Variants in CADPS observed in about 807,000 individuals in gnomAD.
The protein encoded by CADPS is calcium-dependent secretion activator 1.
A neutral mutation model predicts 167.3 loss-of-function variants in CADPS; 57 were observed. The ratio of observed to expected loss-of-function variants is 0.34; its 90% confidence interval spans 0.28 to 0.42. CADPS has a LOEUF of 0.42. Ranked by LOEUF, CADPS falls within the 20% of genes least tolerant of loss-of-function variation. The probability of loss-of-function intolerance (pLI) is 1.00; values close to 1 mark genes in which losing one functional copy is unlikely to be tolerated. For synonymous variants in CADPS, 676 were observed against 635.3 expected, an observed-to-expected ratio of 1.06 and a Z score of -0.96; for missense variants, 1,414 against 1,738.1, an observed-to-expected ratio of 0.81 and a Z score of 3.32.
At chr3:62,600,491 C>A (rs932630204) in intron 6 of CADPS, among the ~76,000 whole-genome samples, 3 of 152,156 alleles carry the variant, frequency 2.0e-5, no homozygotes, top group Non-Finnish European at 4.4e-5. Context: ...CCAAATACTT[C>A]CTGTAAGAGG....
chr3:62,456,460 C>T (rs967480151), intron 26 of CADPS, among the ~76,000 whole-genome samples: 5 of 152,034 alleles, frequency 3.3e-5, no homozygotes, highest in African/African-American at 1.2e-4. Context: ...GAGCCTGAAG[C>T]CTCCCCGTCC....
chr3:62,780,634 C>T, intron 1 of CADPS, among the ~76,000 whole-genome samples: 1 of 152,072 alleles, frequency 6.6e-6, no homozygotes, highest in Non-Finnish European at 1.5e-5. Flanking sequence ...TGATAAGTTG[C>T]AAATGATTTC....
chr3:62,725,778 G>A (rs2076640688), intron 3 of CADPS, among the ~76,000 whole-genome samples: 1 of 151,808 alleles, frequency 6.6e-6, no homozygotes, highest in Non-Finnish European at 1.5e-5. Flanking sequence ...ATGTTTTAGA[G>A]GAGTCACCCT....
rs191206434 is a variant in CADPS, at chr3:62,677,489, T to C, written c.889-15095A>G. Among the ~76,000 whole-genome samples the C allele has an allele frequency of 1.2e-4, 19 of 152,168 alleles. 1 individual carries two copies. Among genetic ancestry groups the C allele is most frequent in the Middle Eastern group, 3.4e-3 (1 of 294 alleles). On this transcript the variant is annotated intron_variant, in intron 3 of 29. Transcript: ENST00000383710. Reference sequence around the variant, plus strand: ...TGGTAAAGTCTAGAGACATTTTTCGTTGTCACAATGGAGGGTGAGAGGTGC... The same window carrying C: ...TGGTAAAGTCTAGAGACATTTTTCGCTGTCACAATGGAGGGTGAGAGGTGC...
At chr3:62,699,723 C>T (rs2081039887) in intron 3 of CADPS, among the ~76,000 whole-genome samples, 1 of 152,036 alleles carries the variant, frequency 6.6e-6, no homozygotes, top group Non-Finnish European at 1.5e-5. Flanking sequence ...CATCTGCCAC[C>T]ACACCCGGCT....
At chr3:62,614,675 T>C (rs1450224791) in intron 6 of CADPS, among the ~76,000 whole-genome samples, 1 of 152,120 alleles carries the variant, frequency 6.6e-6, no homozygotes, top group Non-Finnish European at 1.5e-5. Flanking sequence ...TGTGTAGATA[T>C]GTGCATGATG....
intron 6 of CADPS, among the ~76,000 whole-genome samples, chr3:62,620,100 CAGGGA>C (rs2062938517): frequency 6.6e-6 from 1 of 151,776 alleles, no homozygotes. Context: ...TCTTGGGAAA[CAGGGA>C]TCTGTTCATA....
chr3:62,534,402 T>G (rs960943371), intron 12 of CADPS, among the ~76,000 whole-genome samples: 8 of 152,158 alleles, frequency 5.3e-5, no homozygotes, highest in African/African-American at 1.2e-4. Context: ...AGCTCAGTGA[T>G]GCATCCAACG....
chr3:62,523,951 C>T lies in CADPS; in HGVS notation c.2292-5701G>A, dbSNP rs186821607. 5.9e-5 allele frequency among the ~76,000 whole-genome samples: 9 copies of T among 152,264 alleles called. No individual in the cohort carries two copies. In the East Asian group the frequency reaches 9.7e-4, roughly 16 times the overall value. On this transcript the variant is annotated intron_variant, in intron 13 of 29. Coordinates refer to ENST00000383710, the MANE Select transcript of CADPS (RefSeq NM_003716.4). Reference sequence around the variant, plus strand: ...CATGATAACTGAATCCTACTTGCTACGAAATTGTTCCAGCCCAGAAACATG... The same window carrying T: ...CATGATAACTGAATCCTACTTGCTATGAAATTGTTCCAGCCCAGAAACATG...
chr3:62,755,440 C>T (rs2083658045), intron 2 of CADPS, among the ~76,000 whole-genome samples: 2 of 152,178 alleles, frequency 1.3e-5, no homozygotes, highest in South Asian at 2.1e-4. Flanking sequence ...TGAGCTGCGT[C>T]CTGGTCACAC....
At chr3:62,692,329 G>A (rs1378719378) in intron 3 of CADPS, among the ~76,000 whole-genome samples, 1 of 151,846 alleles carries the variant, frequency 6.6e-6, no homozygotes, top group Non-Finnish European at 1.5e-5. Context: ...AATCACTGAG[G>A]TGAAAGGAAC....
At chr3:62,738,113 T>A (rs2152267537) in intron 3 of CADPS, among the ~76,000 whole-genome samples, 1 of 152,278 alleles carries the variant, frequency 6.6e-6, no homozygotes, top group South Asian at 2.1e-4. Context: ...AATGTTGTTT[T>A]ATCATTAATG....
intron 3 of CADPS, among the ~76,000 whole-genome samples, chr3:62,719,483 T>C (rs1273912714): frequency 6.6e-6 from 1 of 152,238 alleles, no homozygotes; most frequent in Non-Finnish European, 1.5e-5. Flanking sequence ...AGTGTACAAC[T>C]ATAAACTCCC....
chr3:62,439,487 T>C (rs572312782), intron 27 of CADPS: 1 of 152,290 alleles, frequency 6.6e-6, no homozygotes, highest in East Asian at 1.9e-4. Flanking sequence ...TTTCAAACAA[T>C]TTTCAGCGAA....
intron 28 of CADPS, among the ~76,000 whole-genome samples, chr3:62,428,329 T>A (rs975679726): frequency 3.4e-5 from 4 of 116,166 alleles, no homozygotes; most frequent in East Asian, 4.9e-4. Context: ...TTTTTTTTTT[T>A]AAATTGAGGT....
intron 1 of CADPS, among the ~76,000 whole-genome samples, chr3:62,782,318 T>G (rs1024421358): frequency 2.0e-5 from 3 of 152,182 alleles, no homozygotes; most frequent in Admixed American, 2.0e-4. Flanking sequence ...GAGCCACTCA[T>G]GCACACATCC....
chr3:62,545,246 C>T (rs914202657), intron 11 of CADPS, among the ~76,000 whole-genome samples: 2 of 152,064 alleles, frequency 1.3e-5, no homozygotes, highest in East Asian at 3.9e-4. Flanking sequence ...CCCCACCCCA[C>T]CCTAATCCAA....
At chr3:62,410,464 G>C (rs1291361588) in intron 28 of CADPS, among the ~76,000 whole-genome samples, 2 of 152,308 alleles carry the variant, frequency 1.3e-5, no homozygotes, top group African/African-American at 4.8e-5. Flanking sequence ...CTGAGACTCA[G>C]AAGTAAAGTG....
At chr3:62,853,042 C>A (rs1399866680) in intron 1 of CADPS, among the ~76,000 whole-genome samples, 1 of 152,128 alleles carries the variant, frequency 6.6e-6, no homozygotes, top group African/African-American at 2.4e-5. Flanking sequence ...CCCTAGAAAG[C>A]CCATCTAAGC....
Sources: gnomAD v4.1 joint callset for allele counts (sites outside exome capture counted in the v4.1 genomes callset) on GRCh38, gnomAD v4.1.1 for gene constraint, MANE v1.5 for transcripts, NCBI Gene and HGNC (gene_info 2026-07-23, HGNC 2026-07-21) for gene names.